The following CADPS2 variants were observed in gnomAD, a reference collection of about 807,000 sequenced individuals.
CADPS2 encodes calcium-dependent secretion activator 2.
Under a neutral mutation model 172.5 loss-of-function variants are expected in CADPS2, and 93 were observed. The ratio of observed to expected loss-of-function variants is 0.54; its 90% CI spans 0.46 to 0.64. The LOEUF is 0.64. Among genes scored for constraint, CADPS2 ranks in the 30% least tolerant of loss-of-function variants. CADPS2 has a pLI of 0.00. For synonymous variants in CADPS2, 546 were observed against 555.2 expected (o/e 0.98, Z 0.23); for missense variants, 1,420 against 1,565.9 (o/e 0.91, Z 1.57).
At chr7:122,504,757 G>T (rs2059484733) in intron 9 of CADPS2, among the ~76,000 whole-genome samples, 1 of 151,950 alleles carries the variant, frequency 6.6e-6, no homozygotes, top group African/African-American at 2.4e-5. Context: ...CAGACATGGG[G>T]TCTCACTACG....
chr7:122,552,156 A>G (rs1486315015), intron 8 of CADPS2, among the ~76,000 whole-genome samples: 1 of 152,178 alleles, frequency 6.6e-6, no homozygotes, highest in African/African-American at 2.4e-5. Context: ...TTCTTCTAAT[A>G]TTAGTATTAA....
chr7:122,332,670 A>G (rs531843280), intron 28 of CADPS2, among the ~76,000 whole-genome samples: 1 of 152,292 alleles, frequency 6.6e-6, no homozygotes, highest in South Asian at 2.1e-4. Context: ...AAATACATGA[A>G]TATAATAACA....
intron 6 of CADPS2, among the ~76,000 whole-genome samples, chr7:122,608,721 G>C (rs2073917690): frequency 6.6e-6 from 1 of 152,142 alleles, no homozygotes; most frequent in Non-Finnish European, 1.5e-5. Flanking sequence ...TAATAAAACA[G>C]CACTATGGGA....
intron 2 of CADPS2, among the ~76,000 whole-genome samples, chr7:122,675,750 A>G (rs1023439716): frequency 1.3e-5 from 2 of 152,170 alleles, no homozygotes; most frequent in African/African-American, 4.8e-5. Flanking sequence ...ATTCTCACTC[A>G]TAAGTGGGAG....
intron 2 of CADPS2, among the ~76,000 whole-genome samples, chr7:122,670,263 C>T (rs1466870815): frequency 6.6e-6 from 1 of 152,104 alleles, no homozygotes; most frequent in Non-Finnish European, 1.5e-5. Flanking sequence ...TCACCATGGC[C>T]TCTGAGGTCC....
At chr7:122,483,870 A>G (rs1183052029) in intron 11 of CADPS2, among the ~76,000 whole-genome samples, 1 of 152,166 alleles carries the variant, frequency 6.6e-6, no homozygotes, top group Non-Finnish European at 1.5e-5. Context: ...AAAGCAACAA[A>G]GATGAAATAC....
intron 3 of CADPS2, among the ~76,000 whole-genome samples, chr7:122,637,208 T>TTTTTTTTTTTTTTTTTTTTCTCTC (rs778963218): frequency 1.6e-5 from 1 of 62,694 alleles, no homozygotes; most frequent in East Asian, 6.9e-4. Context: ...TTTTTTTTTT[T>TTTTTTTTTTTTTTTTTTTTCTCTC]CCTGAGACAG....
chr7:122,660,901 C>G (rs1309609175), intron 3 of CADPS2, among the ~76,000 whole-genome samples: 5 of 152,080 alleles, frequency 3.3e-5, no homozygotes, highest in African/African-American at 9.7e-5. Flanking sequence ...CAGAGGAAGA[C>G]TTCGTCTCGG....
chr7:122,338,369 G>A (rs2036224521), intron 28 of CADPS2, among the ~76,000 whole-genome samples: 1 of 152,104 alleles, frequency 6.6e-6, no homozygotes, highest in Admixed American at 6.6e-5. Flanking sequence ...ACTCTAGCTT[G>A]GGCTACAGAG....
At chr7:122,551,550 C>T (rs1383055584) in intron 8 of CADPS2, among the ~76,000 whole-genome samples, 1 of 152,018 alleles carries the variant, frequency 6.6e-6, no homozygotes, top group African/African-American at 2.4e-5. Context: ...ATCTATTTGA[C>T]GTCCACATTA....
chr7:122,638,975 G>A (rs1385653329), intron 3 of CADPS2, among the ~76,000 whole-genome samples: 2 of 152,178 alleles, frequency 1.3e-5, no homozygotes, highest in Middle Eastern at 3.2e-3. Flanking sequence ...TGAACCCTAA[G>A]TCCTACATGT....
At chr7:122,837,557 G>C (rs1808897543) in intron 1 of CADPS2, among the ~76,000 whole-genome samples, 1 of 152,048 alleles carries the variant, frequency 6.6e-6, no homozygotes, top group Non-Finnish European at 1.5e-5. Flanking sequence ...AGAAAAGAGA[G>C]AAGAATCAAA....
At chr7:122,580,571 CCT>C (rs1315114015) in intron 7 of CADPS2, among the ~76,000 whole-genome samples, 1 of 151,910 alleles carries the variant, frequency 6.6e-6, no homozygotes, top group Non-Finnish European at 1.5e-5. Flanking sequence ...CACAGATTTA[CCT>C]AATGTTAATG....
intron 1 of CADPS2, among the ~76,000 whole-genome samples, chr7:122,828,248 A>AT (rs59838743): frequency 0.19 from 29,384 of 151,790 alleles, 2,968 homozygotes; most frequent in Middle Eastern, 0.27. Context: ...CATTTCTACT[A>AT]TTTTTTATCA....
At chr7:122,532,211 G>A (rs2061824512) in intron 8 of CADPS2, among the ~76,000 whole-genome samples, 1 of 152,020 alleles carries the variant, frequency 6.6e-6, no homozygotes, top group South Asian at 2.1e-4. Context: ...TTTTGAGGAG[G>A]AGATAAAAAT....
At chr7:122,349,101 A>T (rs2038141959) in intron 27 of CADPS2, among the ~76,000 whole-genome samples, 7 of 152,008 alleles carry the variant, frequency 4.6e-5, no homozygotes. Context: ...TTTGGTGTGT[A>T]CATGAAGACA....
intron 1 of CADPS2, among the ~76,000 whole-genome samples, chr7:122,853,239 G>T (rs1814184456): frequency 6.6e-6 from 1 of 152,158 alleles, no homozygotes; most frequent in Non-Finnish European, 1.5e-5. Context: ...GAAGAAAAAG[G>T]TCAGGGTATT....
At chr7:122,878,381 G>A (rs541138940) in intron 1 of CADPS2, among the ~76,000 whole-genome samples, 12 of 151,190 alleles carry the variant, frequency 7.9e-5, no homozygotes, top group Non-Finnish European at 1.3e-4. Flanking sequence ...GGCCGGGCGC[G>A]GTGGCTCACG....
chr7:122,541,798 C>CAT (rs560886350), intron 8 of CADPS2, among the ~76,000 whole-genome samples: 3 of 88,920 alleles, frequency 3.4e-5, no homozygotes, highest in African/African-American at 6.8e-5. Context: ...TTTATATATT[C>CAT]ATATATATTT....
Sources: gnomAD v4.1 joint callset for allele counts (sites outside exome capture counted in the v4.1 genomes callset) on GRCh38, gnomAD v4.1.1 for gene constraint, MANE v1.5 for transcripts, NCBI Gene and HGNC (gene_info 2026-07-23, HGNC 2026-07-21) for gene names.